RERG: variants seen among roughly 807,000 people sequenced by gnomAD.
RERG encodes the protein ras-related and estrogen-regulated growth inhibitor.
RERG carries 25 observed loss-of-function variants against 23.2 expected under a neutral mutation model. The observed-to-expected ratio is 1.08, with a 90% CI of 0.79 to 1.50. The LOEUF (loss-of-function observed/expected upper bound fraction) is 1.50, where lower values mean the gene tolerates loss of function less well. Ranked by LOEUF, RERG falls within the 40% of genes most tolerant of loss-of-function variation. The pLI is 0.00. For missense variants in RERG, 253 were observed against 250.1 expected, an observed-to-expected ratio of 1.01 and a Z score of -0.08; for synonymous variants, 81 against 89.1, an observed-to-expected ratio of 0.91 and a Z score of 0.51.
intron 2 of RERG, among the ~76,000 whole-genome samples, chr12:15,125,393 A>G (rs1863920192): frequency 6.6e-6 from 1 of 152,036 alleles, no homozygotes; most frequent in Non-Finnish European, 1.5e-5. Flanking sequence ...AATTATAATA[A>G]ACTTACGTAG....
intron 2 of RERG, among the ~76,000 whole-genome samples, chr12:15,170,552 C>T (rs751433839): frequency 5.1e-4 from 78 of 152,210 alleles, no homozygotes; most frequent in Admixed American, 1.4e-3. Context: ...CAGTGGCTTC[C>T]AATCTCTGAG....
chr12:15,136,980 C>T (rs1393391584), intron 2 of RERG, among the ~76,000 whole-genome samples: 1 of 151,880 alleles, frequency 6.6e-6, no homozygotes, highest in African/African-American at 2.4e-5. Context: ...TGGATCTCTC[C>T]ATTTCTGATA....
intron 2 of RERG, among the ~76,000 whole-genome samples, chr12:15,127,474 T>G (rs973592588): frequency 6.6e-6 from 1 of 152,190 alleles, no homozygotes; most frequent in African/African-American, 2.4e-5. Flanking sequence ...GTCTGGTCAA[T>G]CTATATTGCA....
intron 3 of RERG, among the ~76,000 whole-genome samples, chr12:15,115,770 C>T (rs911838108): frequency 1.1e-4 from 16 of 151,864 alleles, no homozygotes; most frequent in African/African-American, 1.7e-4. Context: ...CTTTTTTGAC[C>T]GCTGTTTTCT....
chr12:15,127,378 T>C (rs1480373552), intron 2 of RERG, among the ~76,000 whole-genome samples: 1 of 152,258 alleles, frequency 6.6e-6, no homozygotes, highest in African/African-American at 2.4e-5. Context: ...TACTCTAGTA[T>C]GTTTTTGTTA....
intron 2 of RERG, among the ~76,000 whole-genome samples, chr12:15,150,193 G>C (rs1389097893): frequency 6.6e-6 from 1 of 152,118 alleles, no homozygotes; most frequent in African/African-American, 2.4e-5. Flanking sequence ...GATATCTCAG[G>C]AGTTTTTCAT....
At chr12:15,179,169 G>T (rs528197926) in intron 2 of RERG, among the ~76,000 whole-genome samples, 20 of 152,300 alleles carry the variant, frequency 1.3e-4, no homozygotes, top group African/African-American at 4.6e-4. Flanking sequence ...CAGAGGTGCT[G>T]ATAAGAGTGG....
At chr12:15,189,207 A>C (rs1865034906) in intron 2 of RERG, among the ~76,000 whole-genome samples, 1 of 152,144 alleles carries the variant, frequency 6.6e-6, no homozygotes, top group African/African-American at 2.4e-5. Context: ...AAAATATTCC[A>C]ATGGTTTTTC....
intron 2 of RERG, among the ~76,000 whole-genome samples, chr12:15,206,254 C>T (rs1301616925): frequency 6.6e-6 from 1 of 151,934 alleles, no homozygotes; most frequent in Non-Finnish European, 1.5e-5. Context: ...TTTAAGGAAC[C>T]ACAGGAAGGC....
chr12:15,116,300 T>C (rs1440107929), intron 3 of RERG, among the ~76,000 whole-genome samples: 1 of 152,222 alleles, frequency 6.6e-6, no homozygotes, highest in Non-Finnish European at 1.5e-5. Flanking sequence ...TTGAAAAGAC[T>C]GGCATCAGCC....
intron 3 of RERG, among the ~76,000 whole-genome samples, chr12:15,112,631 A>C (rs1235182449): frequency 6.6e-6 from 1 of 152,220 alleles, no homozygotes; most frequent in Non-Finnish European, 1.5e-5. Flanking sequence ...GAATGAATGA[A>C]TGATTGACCT....
At chr12:15,193,010 C>T (rs569644367) in intron 2 of RERG, among the ~76,000 whole-genome samples, 46 of 152,134 alleles carry the variant, frequency 3.0e-4, no homozygotes, top group African/African-American at 1.1e-3. Flanking sequence ...CATAAAGTTA[C>T]CACTTTTCTC....
chr12:15,218,777 G>C (rs943275837), intron 1 of RERG, among the ~76,000 whole-genome samples: 5 of 151,838 alleles, frequency 3.3e-5, no homozygotes, highest in African/African-American at 1.2e-4. Context: ...GGCCCAGCCT[G>C]TCCACTTGTT....
chr12:15,182,168 C>G (rs1864933309), intron 2 of RERG, among the ~76,000 whole-genome samples: 1 of 151,830 alleles, frequency 6.6e-6, no homozygotes, highest in African/African-American at 2.4e-5. Context: ...AAGCAATTCC[C>G]CTGCCTCAGC....
chr12:15,163,225 A>G (rs1179310205), intron 2 of RERG, among the ~76,000 whole-genome samples: 1 of 152,206 alleles, frequency 6.6e-6, no homozygotes, highest in Non-Finnish European at 1.5e-5. Flanking sequence ...GAAATAAATA[A>G]TATGCTAGAA....
chr12:15,213,529 C>T (rs1376535106), intron 2 of RERG, among the ~76,000 whole-genome samples: 2 of 152,176 alleles, frequency 1.3e-5, no homozygotes, highest in East Asian at 1.9e-4. Flanking sequence ...TATCCCTATG[C>T]CAGCAAGCTC....
At chr12:15,112,032 C>G (rs1863628977) in intron 3 of RERG, among the ~76,000 whole-genome samples, 1 of 152,196 alleles carries the variant, frequency 6.6e-6, no homozygotes, top group African/African-American at 2.4e-5. Context: ...CTCCCTGGTG[C>G]TCTTTTCCTT....
At chr12:15,217,175 G>GAATTT in intron 2 of RERG, 1 of 372,506 alleles carries the variant, frequency 2.7e-6, no homozygotes, top group Non-Finnish European at 4.8e-6. Flanking sequence ...TTAAAAATCA[G>GAATTT]AATGCCAAGA....
intron 3 of RERG, among the ~76,000 whole-genome samples, chr12:15,116,098 T>C: frequency 6.6e-6 from 1 of 152,336 alleles, no homozygotes; most frequent in South Asian, 2.1e-4. Flanking sequence ...TAGTTTTGTA[T>C]GATTTAATGC....
Sources: allele counts gnomAD v4.1 joint callset (sites outside exome capture counted in the v4.1 genomes callset), GRCh38; gene constraint gnomAD v4.1.1; transcripts MANE v1.5; gene names NCBI Gene and HGNC (gene_info 2026-07-23, HGNC 2026-07-21).